CD6: variants seen among roughly 807,000 people sequenced by gnomAD.
CD6 encodes the protein T-cell differentiation antigen CD6.
In CD6, 53 loss-of-function variants were observed where a neutral mutation model predicts 75.3. The ratio of observed to expected loss-of-function variants is 0.70; its 90% CI spans 0.56 to 0.88. The LOEUF is 0.88. Ranked by LOEUF, CD6 falls within the 40% of genes least tolerant of loss-of-function variation. CD6 has a pLI of 0.00. For missense variants in CD6, 770 were observed against 897.1 expected (o/e 0.86, Z 1.81); for synonymous variants, 359 against 381.5 (o/e 0.94, Z 0.69).
Position 60,971,814 on chromosome 11 carries a change from G to T in CD6, c.-52G>T. 6.3e-7 allele frequency: 1 copy of T among 1,599,042 alleles called. No homozygotes were observed. Among genetic ancestry groups the T allele is most frequent in the Non-Finnish European group, 8.5e-7 (1 of 1,170,122 alleles). The stretch of plus-strand genomic sequence containing the variant: ...GGCCGTGTCCACCTCCCGGCCCCAA[G>T]ATGGTGCTTCCCACAGGCAGCCACG... On this transcript the variant is annotated 5_prime_UTR_variant, in exon 1 of 13. Coordinates refer to ENST00000313421, the MANE Select transcript of CD6 (RefSeq NM_006725.5).
At chr11:61,014,599 G>C (rs1374689628) in intron 8 of CD6, among the ~76,000 whole-genome samples, 1 of 152,020 alleles carries the variant, frequency 6.6e-6, no homozygotes, top group Non-Finnish European at 1.5e-5. Flanking sequence ...GACAGGTGTG[G>C]TGGCGTGCAC....
intron 1 of CD6, among the ~76,000 whole-genome samples, chr11:60,996,704 C>T (rs1858314990): frequency 6.6e-6 from 1 of 152,236 alleles, no homozygotes; most frequent in Non-Finnish European, 1.5e-5. Context: ...GCCAGTCTTG[C>T]AGAGAGGCAC....
At chr11:60,973,294 G>C (rs116675638) in intron 1 of CD6, among the ~76,000 whole-genome samples, 1,851 of 152,300 alleles carry the variant, frequency 0.012, 43 homozygotes, top group African/African-American at 0.042. Context: ...CCACAGGAGA[G>C]GTGGGAACCC....
chr11:60,973,141 C>T (rs1332633852), intron 1 of CD6, among the ~76,000 whole-genome samples: 1 of 152,204 alleles, frequency 6.6e-6, no homozygotes, highest in Non-Finnish European at 1.5e-5. Flanking sequence ...AGATTTTCCC[C>T]AACCCAGGGC....
In CD6 at chr11:61,008,605, G is replaced by A; in HGVS notation, c.541G>A (p.Glu181Lys). The A allele has an allele frequency of 6.2e-7, 1 of 1,608,428 alleles. No individual in the cohort carries two copies. The highest frequency in any genetic ancestry group is 8.5e-7 in the Non-Finnish European group (1 of 1,177,880). The change falls in exon 4 of 13, where the codon GAG becomes AAG. Residue 181 changes from glutamate to lysine, a missense_variant. Glu to Lys is a moderately conservative substitution (Grantham distance 56). Coordinates refer to ENST00000313421, the MANE Select transcript of CD6 (RefSeq NM_006725.5). ...CCGCGTGGAGATGCTGGAGCATGGC[G>A]AGTGGGGATCAGTGTGCGATGACAC... Reference protein sequence around the residue: ...AGRVEMLEHGEWGSVCDDTWD... With the variant: ...AGRVEMLEHGKWGSVCDDTWD...
Position 61,008,780 on chromosome 11 carries a change from A to G in CD6, c.716A>G (p.Asp239Gly). ...NCSGAEAYLW[D>G]CPGLPGQHYC... ...TCGGGGGCCGAAGCTTACCTGTGGG[A>G]CTGCCCGGGGCTGCCAGGACAGCAC... Residue 239 changes from aspartate (D) to glycine (G), a missense_variant, in exon 4 of 13, where the codon GAC (aspartate) becomes GGC (glycine). By Grantham distance (94) the Asp-to-Gly change is moderately conservative. Coordinates refer to ENST00000313421, the MANE Select transcript of CD6 (RefSeq NM_006725.5). The G allele has an allele frequency of 6.3e-7, 1 of 1,597,958 alleles. No homozygotes were observed. The highest frequency in any genetic ancestry group is 8.5e-7 in the Non-Finnish European group (1 of 1,169,940).
intron 1 of CD6, among the ~76,000 whole-genome samples, chr11:60,981,594 G>T (rs1857560466): frequency 6.6e-6 from 1 of 152,246 alleles, no homozygotes; most frequent in South Asian, 2.1e-4. Context: ...CCCAGATGTT[G>T]GCGGTGACAT....
chr11:61,008,279 C>G, intron 3 of CD6: 1 of 529,136 alleles, frequency 1.9e-6, no homozygotes, highest in Middle Eastern at 4.9e-4. Flanking sequence ...CACAGGGTCC[C>G]TAAGCGCTGT....
intron 8 of CD6, among the ~76,000 whole-genome samples, chr11:61,014,450 T>C (rs1859306139): frequency 6.6e-6 from 1 of 152,158 alleles, no homozygotes; most frequent in Non-Finnish European, 1.5e-5. Context: ...AAAAACAAAT[T>C]GGGGCTGGGT....
intron 1 of CD6, among the ~76,000 whole-genome samples, chr11:60,975,782 C>T (rs976476687): frequency 3.3e-5 from 5 of 152,036 alleles, no homozygotes; most frequent in East Asian, 1.9e-4. Context: ...CCAGTCTGGG[C>T]GATGAAGGAG....
intron 1 of CD6, among the ~76,000 whole-genome samples, chr11:60,978,359 G>C (rs993285591): frequency 6.6e-6 from 1 of 152,168 alleles, no homozygotes; most frequent in Non-Finnish European, 1.5e-5. Context: ...TTCCCAGTGA[G>C]CCCTGAGGTT....
intron 1 of CD6, chr11:60,982,483 C>A (rs575833338): frequency 2.3e-6 from 1 of 430,718 alleles, no homozygotes; most frequent in East Asian, 7.1e-5. Context: ...GGGTGTTCAC[C>A]TCTTTCAGGA....
intron 9 of CD6, 47 bp downstream of exon 9, chr11:61,015,882 G>A (rs1859379820): frequency 1.2e-6 from 2 of 1,609,392 alleles, no homozygotes; most frequent in African/African-American, 2.7e-5. Flanking sequence ...CTGAATCTGG[G>A]AGGGGGCCCC....
chr11:61,011,019 A>C (rs1271512884), intron 5 of CD6, 51 bp from the exon 6 acceptor site: 1 of 1,530,398 alleles, frequency 6.5e-7, no homozygotes, highest in South Asian at 1.1e-5. Context: ...CCTGGCACAC[A>C]GTAGGTGCTC....
intron 5 of CD6, among the ~76,000 whole-genome samples, chr11:61,010,369 T>C (rs1034748264): frequency 2.6e-5 from 4 of 152,238 alleles, no homozygotes; most frequent in African/African-American, 9.6e-5. Flanking sequence ...CACACCATTA[T>C]TATTTTATGT....
At chr11:60,978,341 C>G (rs894411954) in intron 1 of CD6, among the ~76,000 whole-genome samples, 1 of 152,072 alleles carries the variant, frequency 6.6e-6, no homozygotes, top group Non-Finnish European at 1.5e-5. Context: ...CTGAGAAGTC[C>G]CTGGATTTTC....
At chr11:60,999,966 C>T (rs1220458403) in intron 1 of CD6, among the ~76,000 whole-genome samples, 5 of 151,958 alleles carry the variant, frequency 3.3e-5, no homozygotes, top group African/African-American at 7.3e-5. Flanking sequence ...GCAGGAGAAT[C>T]GCTTGAATCA....
Position 61,008,586 on chromosome 11 carries a change from G to T in CD6, c.522G>T (p.Val174=). 6.2e-7 allele frequency: 1 copy of T among 1,607,900 alleles called. No individual in the cohort carries two copies. The highest frequency in any genetic ancestry group is 8.5e-7 in the Non-Finnish European group (1 of 1,177,696). ...GTGGCGGCGCCTGCGCCGGCCGCGT[G>T]GAGATGCTGGAGCATGGCGAGTGGG... ...VDGGGACAGR[V]EMLEHGEWGS... Residue 174 remains valine (V), a synonymous_variant, in exon 4 of 13, where the codon GTG becomes GTT. Coordinates refer to ENST00000313421, the MANE Select transcript of CD6 (RefSeq NM_006725.5).
intron 3 of CD6, chr11:61,008,252 C>T (rs1858969748): frequency 2.0e-6 from 1 of 493,092 alleles, no homozygotes; most frequent in South Asian, 4.1e-5. Flanking sequence ...TCGCCATATA[C>T]ATAAACATGC....
Sources: gnomAD v4.1 joint callset for allele counts (sites outside exome capture counted in the v4.1 genomes callset) on GRCh38, gnomAD v4.1.1 for gene constraint, MANE v1.5 for transcripts, NCBI Gene and HGNC (gene_info 2026-07-23, HGNC 2026-07-21) for gene names.